The following COMMD7 variants were observed in gnomAD, a reference collection of about 807,000 sequenced individuals.
The protein encoded by COMMD7 is COMM domain-containing protein 7.
Under a neutral mutation model 34.8 loss-of-function variants are expected in COMMD7, and 28 were observed. That is an observed-to-expected ratio of 0.80 (90% CI 0.60 to 1.10). The LOEUF (loss-of-function observed/expected upper bound fraction) is 1.10. Ranked by LOEUF, COMMD7 falls within the 50% of genes least tolerant of loss-of-function variation. The pLI is 0.00. For synonymous variants in COMMD7, 80 were observed against 86.4 expected (o/e 0.93, Z 0.41); for missense variants, 211 against 241.6 (o/e 0.87, Z 0.84).
Position 32,727,883 on chromosome 20 carries a change from G to A in COMMD7, c.241+10C>T. 3 of 1,589,432 alleles carry A rather than the reference G, an allele frequency of 1.9e-6. No individual in the cohort carries two copies. The highest frequency in any genetic ancestry group is 1.1e-5 in the South Asian group (1 of 90,534). On this transcript the variant is annotated intron_variant, in intron 3 of 8. Coordinates refer to ENST00000278980, the MANE Select transcript of COMMD7 (RefSeq NM_053041.3). The stretch of plus-strand genomic sequence containing the variant: ...GTCTCTGGCCACAGCTGCTAAGAGA[G>A]GTTACTCACCATTTGGAACCAGAAG...
chr20:32,741,137 C>T (rs1440005809), intron 1 of COMMD7, among the ~76,000 whole-genome samples: 5 of 137,794 alleles, frequency 3.6e-5, no homozygotes, highest in African/African-American at 1.1e-4. Context: ...AGGAAGACTC[C>T]GTCTAAAACA....
At chr20:32,733,053 T>C (rs1044038479) in intron 1 of COMMD7, among the ~76,000 whole-genome samples, 1 of 150,906 alleles carries the variant, frequency 6.6e-6, no homozygotes, top group Non-Finnish European at 1.5e-5. Flanking sequence ...CTGGCCAACA[T>C]GGCGAAACCC....
chr20:32,735,000 G>A (rs1395834924), intron 1 of COMMD7, among the ~76,000 whole-genome samples: 1 of 152,004 alleles, frequency 6.6e-6, no homozygotes. Flanking sequence ...CACTTTGCGA[G>A]TCTGAGGAAG....
At chr20:32,714,653 G>A (rs960342356) in intron 3 of COMMD7, among the ~76,000 whole-genome samples, 2 of 150,008 alleles carry the variant, frequency 1.3e-5, no homozygotes, top group Non-Finnish European at 3.0e-5. Context: ...GTGAAACCTC[G>A]TCTCTACTAA....
At chr20:32,735,733 C>T (rs965300396) in intron 1 of COMMD7, among the ~76,000 whole-genome samples, 2 of 152,134 alleles carry the variant, frequency 1.3e-5, no homozygotes, top group African/African-American at 4.8e-5. Context: ...TAGCTCACTG[C>T]AGCTTCCAAC....
chr20:32,733,484 C>T (rs1244898701), intron 1 of COMMD7, among the ~76,000 whole-genome samples: 8 of 149,846 alleles, frequency 5.3e-5, no homozygotes, highest in Non-Finnish European at 1.2e-4. Context: ...TTTGGGAGGC[C>T]GAGGCGGGCA....
intron 3 of COMMD7, among the ~76,000 whole-genome samples, chr20:32,714,696 T>C (rs1486139459): frequency 6.6e-6 from 1 of 152,010 alleles, no homozygotes; most frequent in Non-Finnish European, 1.5e-5. Flanking sequence ...CGGTGGTGCA[T>C]GGCTGTAGTC....
chr20:32,710,416 G>C (rs902866274), intron 3 of COMMD7, among the ~76,000 whole-genome samples: 2 of 152,060 alleles, frequency 1.3e-5, no homozygotes, highest in South Asian at 4.1e-4. Flanking sequence ...TTGAATGCAA[G>C]AATCCTTACA....
intron 3 of COMMD7, among the ~76,000 whole-genome samples, chr20:32,723,032 TAAATAAATAAATA>T (rs1467021706): frequency 4.8e-5 from 1 of 20,814 alleles, no homozygotes; most frequent in Non-Finnish European, 9.8e-5. Flanking sequence ...AATAAATAAA[TAAATAAATAAATA>T]AATAATAATA....
At chr20:32,730,558 A>C (rs570770890) in intron 1 of COMMD7, among the ~76,000 whole-genome samples, 1 of 149,584 alleles carries the variant, frequency 6.7e-6, no homozygotes, top group African/African-American at 2.5e-5. Context: ...CCGTTTCAAA[A>C]AACAACAACA....
At chr20:32,706,901 CA>C (rs1381742326) in intron 3 of COMMD7, 141 bp from the exon 4 acceptor site, 19 of 645,790 alleles carry the variant, frequency 2.9e-5, no homozygotes, top group Non-Finnish European at 5.4e-5. Flanking sequence ...TCAATCCAGC[CA>C]TGGGGAAATA....
intron 5 of COMMD7, among the ~76,000 whole-genome samples, chr20:32,705,316 A>G (rs866427235): frequency 0.017 from 2,549 of 149,434 alleles, 70 homozygotes; most frequent in African/African-American, 0.06. Flanking sequence ...ATATATGTGT[A>G]TATATATACA....
At chr20:32,710,852 G>A (rs1984395799) in intron 3 of COMMD7, among the ~76,000 whole-genome samples, 1 of 152,128 alleles carries the variant, frequency 6.6e-6, no homozygotes, top group African/African-American at 2.4e-5. Flanking sequence ...GCTGAGGTGA[G>A]AGGATTGCTT....
At chr20:32,714,195 G>A (rs570087585) in intron 3 of COMMD7, among the ~76,000 whole-genome samples, 1 of 152,224 alleles carries the variant, frequency 6.6e-6, no homozygotes, top group South Asian at 2.1e-4. Context: ...TGAGGCTGGC[G>A]GTCCTGGGGA....
intron 1 of COMMD7, among the ~76,000 whole-genome samples, chr20:32,729,992 G>A (rs150006227): frequency 7.2e-5 from 11 of 152,186 alleles, no homozygotes; most frequent in African/African-American, 2.4e-4. Context: ...CAGCCTGGAC[G>A]ACAGATTGAG....
chr20:32,735,369 G>T (rs1469959330), intron 1 of COMMD7, among the ~76,000 whole-genome samples: 1 of 151,946 alleles, frequency 6.6e-6, no homozygotes, highest in Non-Finnish European at 1.5e-5. Flanking sequence ...CCAGGCTGGA[G>T]TGCAGTGGTG....
intron 3 of COMMD7, 122 bp downstream of exon 3, chr20:32,727,771 C>A (rs1600995267): frequency 2.6e-6 from 2 of 757,086 alleles, no homozygotes; most frequent in East Asian, 5.0e-5. Flanking sequence ...GAGTCCCACC[C>A]ACGTCTGGCT....
intron 1 of COMMD7, 108 bp from the exon 2 acceptor site, chr20:32,728,250 G>GC: frequency 2.1e-6 from 2 of 955,392 alleles, no homozygotes; most frequent in South Asian, 1.4e-5. Flanking sequence ...TAACAGCCAG[G>GC]TGTTATGCCT....
At chr20:32,718,276 C>A (rs562168322) in intron 3 of COMMD7, among the ~76,000 whole-genome samples, 1 of 151,488 alleles carries the variant, frequency 6.6e-6, no homozygotes, top group African/African-American at 2.4e-5. Context: ...TGGTGGCGGG[C>A]GCCTGTGGTC....
Sources: gnomAD v4.1 joint callset for allele counts (sites outside exome capture counted in the v4.1 genomes callset) on GRCh38, gnomAD v4.1.1 for gene constraint, MANE v1.5 for transcripts, NCBI Gene and HGNC (gene_info 2026-07-23, HGNC 2026-07-21) for gene names.